The following SLC24A2 variants were observed in gnomAD, a reference collection of about 807,000 sequenced individuals.
SLC24A2 encodes the protein sodium/potassium/calcium exchanger 2.
A neutral mutation model predicts 62.0 loss-of-function variants in SLC24A2; 36 were observed. The observed-to-expected ratio is 0.58, with a 90% confidence interval of 0.44 to 0.77. The LOEUF (loss-of-function observed/expected upper bound fraction) is 0.77, where lower values mean the gene tolerates loss of function less well. Among genes scored for constraint, SLC24A2 ranks in the 30% least tolerant of loss-of-function variants. The pLI, the probability that SLC24A2 is intolerant of heterozygous loss-of-function variation, is 0.00. For missense variants in SLC24A2, 846 were observed against 817.9 expected, an observed-to-expected ratio of 1.03 and a Z score of -0.42; for synonymous variants, 358 against 294.0, an observed-to-expected ratio of 1.22 and a Z score of -2.23.
chr9:19,822,762 A>G, the SLC24A2 span, among the ~76,000 whole-genome samples: 2 of 152,170 alleles, frequency 1.3e-5, no homozygotes, highest in African/African-American at 2.4e-5. Flanking sequence ...GTTTACAAGG[A>G]CTTCATCACA....
At chr9:19,654,453 G>C (rs1228782346) in intron 2 of SLC24A2, among the ~76,000 whole-genome samples, 6 of 152,096 alleles carry the variant, frequency 3.9e-5, no homozygotes, top group Non-Finnish European at 8.8e-5. Flanking sequence ...TCCTCAACTG[G>C]TTAGTGGCAC....
At chr9:19,525,474 G>A (rs1040310074) in intron 9 of SLC24A2, among the ~76,000 whole-genome samples, 8 of 140,352 alleles carry the variant, frequency 5.7e-5, no homozygotes, top group Admixed American at 1.6e-4. Flanking sequence ...TGTGATCTTG[G>A]CTCATTGCAG....
chr9:19,568,957 T>G (rs1467219792), intron 7 of SLC24A2, among the ~76,000 whole-genome samples: 1 of 152,192 alleles, frequency 6.6e-6, no homozygotes, highest in African/African-American at 2.4e-5. Context: ...CCCCTTTCTT[T>G]CCGTGTACAA....
At chr9:19,674,931 T>C (rs1587134892) in intron 2 of SLC24A2, among the ~76,000 whole-genome samples, 3 of 152,192 alleles carry the variant, frequency 2.0e-5, no homozygotes, top group Admixed American at 2.0e-4. Context: ...TTAAAGAACC[T>C]TGTTTTGTCA....
the SLC24A2 span, among the ~76,000 whole-genome samples, chr9:20,031,266 T>A: frequency 1.3e-5 from 2 of 149,558 alleles, no homozygotes; most frequent in African/African-American, 4.9e-5. Flanking sequence ...ATAAAATGTG[T>A]GTGTGCGCAT....
At chr9:20,267,132 A>C in the SLC24A2 span, among the ~76,000 whole-genome samples, 1 of 152,178 alleles carries the variant, frequency 6.6e-6, no homozygotes, top group African/African-American at 2.4e-5. Flanking sequence ...TTTTGAAACA[A>C]ATTTCTGTGA....
At chr9:19,529,052 T>C (rs541017900) in intron 8 of SLC24A2, among the ~76,000 whole-genome samples, 63 of 152,322 alleles carry the variant, frequency 4.1e-4, no homozygotes, top group African/African-American at 1.4e-3. Context: ...ATGTCCTTTG[T>C]TGAAAAATTG....
intron 2 of SLC24A2, among the ~76,000 whole-genome samples, chr9:19,626,980 T>A (rs1337733975): frequency 6.6e-6 from 1 of 152,208 alleles, no homozygotes; most frequent in Non-Finnish European, 1.5e-5. Context: ...TTTTACTTTG[T>A]CTTAACATAG....
intron 2 of SLC24A2, among the ~76,000 whole-genome samples, chr9:19,715,930 G>A (rs570281758): frequency 6.6e-6 from 1 of 152,278 alleles, no homozygotes; most frequent in South Asian, 2.1e-4. Flanking sequence ...GAGAAGAAAA[G>A]TTTTCTCTCT....
At chr9:20,274,619 T>G in the SLC24A2 span, among the ~76,000 whole-genome samples, 7 of 152,290 alleles carry the variant, frequency 4.6e-5, no homozygotes, top group African/African-American at 1.7e-4. Context: ...AGTCTAACAC[T>G]ATGAAGAAAC....
At chr9:20,191,239 A>C in the SLC24A2 span, among the ~76,000 whole-genome samples, 1 of 151,124 alleles carries the variant, frequency 6.6e-6, no homozygotes, top group African/African-American at 2.4e-5. Flanking sequence ...TATTGCTTTT[A>C]GCTTATAAAA....
intron 7 of SLC24A2, among the ~76,000 whole-genome samples, chr9:19,555,585 C>T (rs7048020): frequency 0.14 from 21,011 of 151,924 alleles, 1,741 homozygotes; most frequent in African/African-American, 0.24. Context: ...GTGAGGCAGG[C>T]GTAAATAAAA....
the SLC24A2 span, among the ~76,000 whole-genome samples, chr9:20,025,439 GA>G: frequency 1.3e-5 from 2 of 152,070 alleles, no homozygotes; most frequent in Non-Finnish European, 2.9e-5. Flanking sequence ...AATTAATCAG[GA>G]AAAATATAAA....
chr9:20,061,315 C>T, the SLC24A2 span, among the ~76,000 whole-genome samples: 2 of 150,950 alleles, frequency 1.3e-5, no homozygotes. Context: ...GACAGAGTCT[C>T]ACTCTGTTGC....
the SLC24A2 span, among the ~76,000 whole-genome samples, chr9:19,907,073 C>T: frequency 6.6e-6 from 1 of 152,114 alleles, no homozygotes; most frequent in Non-Finnish European, 1.5e-5. Flanking sequence ...TGCAAAAATC[C>T]TCAATAAAAT....
the SLC24A2 span, among the ~76,000 whole-genome samples, chr9:20,078,010 G>T: frequency 2.3e-4 from 33 of 143,420 alleles, no homozygotes; most frequent in African/African-American, 7.6e-4. Context: ...TGGTGAGGAG[G>T]GGCACAGGGT....
At chr9:19,761,087 A>C (rs1230455809) in intron 2 of SLC24A2, among the ~76,000 whole-genome samples, 3 of 152,132 alleles carry the variant, frequency 2.0e-5, no homozygotes, top group African/African-American at 7.2e-5. Context: ...ATTTAAAAAA[A>C]TGTTTGCTAT....
At chr9:20,142,429 G>C in the SLC24A2 span, among the ~76,000 whole-genome samples, 18 of 150,550 alleles carry the variant, frequency 1.2e-4, no homozygotes, top group Admixed American at 4.6e-4. Context: ...TTATAAACCA[G>C]ACTGCAAGGT....
At chr9:19,980,220 A>T in the SLC24A2 span, among the ~76,000 whole-genome samples, 1 of 152,206 alleles carries the variant, frequency 6.6e-6, no homozygotes, top group Non-Finnish European at 1.5e-5. Flanking sequence ...CTGAAATTGC[A>T]GATTCTGACT....
Sources: gnomAD v4.1 joint callset for allele counts (sites outside exome capture counted in the v4.1 genomes callset) on GRCh38, gnomAD v4.1.1 for gene constraint, MANE v1.5 for transcripts, NCBI Gene and HGNC (gene_info 2026-07-23, HGNC 2026-07-21) for gene names.